The following SIPA1L3 variants were observed in gnomAD, a reference collection of about 807,000 sequenced individuals.
SIPA1L3 encodes signal induced proliferation associated 1 like 3.
Under a neutral mutation model 150.1 loss-of-function variants are expected in SIPA1L3, and 59 were observed. That is an observed-to-expected ratio of 0.39 (90% CI 0.32 to 0.49). SIPA1L3 has a LOEUF of 0.49. Among genes scored for constraint, SIPA1L3 ranks in the 20% least tolerant of loss-of-function variants. SIPA1L3 has a pLI of 0.86. For synonymous variants in SIPA1L3, 1,070 were observed against 1,077.6 expected, an observed-to-expected ratio of 0.99 and a Z score of 0.14; for missense variants, 2,211 against 2,489.5, an observed-to-expected ratio of 0.89 and a Z score of 2.38.
chr19:37,918,814 T>C (rs1259037507), intron 1 of SIPA1L3, among the ~76,000 whole-genome samples: 2 of 151,708 alleles, frequency 1.3e-5, no homozygotes, highest in Non-Finnish European at 2.9e-5. Context: ...GAGGTTGCAG[T>C]GAGCCAAGAT....
chr19:38,160,457 A>C (rs1222111853), intron 13 of SIPA1L3, among the ~76,000 whole-genome samples: 1 of 149,218 alleles, frequency 6.7e-6, no homozygotes, highest in African/African-American at 2.5e-5. Flanking sequence ...GCTGGAGTGC[A>C]GGGGTGCGAT....
Position 38,034,409 on chromosome 19 carries a change from C to T in SIPA1L3, c.-311+5253C>T, listed in dbSNP as rs534437208. 4.0e-5 allele frequency among the ~76,000 whole-genome samples: 6 copies of T among 151,790 alleles called. No individual in the cohort carries two copies. The East Asian group carries it at 5.8e-4, about 15-fold the overall frequency. ...TGGTAATGATGAGGAAACTGAGGCACGAGTGGTGAAGCTGCCTGCCAGGTA... is the reference window on the plus strand; with the variant it reads ...TGGTAATGATGAGGAAACTGAGGCATGAGTGGTGAAGCTGCCTGCCAGGTA... On this transcript the variant is annotated intron_variant, in intron 2 of 21. Coordinates refer to ENST00000222345, the MANE Select transcript of SIPA1L3 (RefSeq NM_015073.3).
intron 2 of SIPA1L3, among the ~76,000 whole-genome samples, chr19:38,031,994 G>C (rs773959468): frequency 2.6e-5 from 4 of 152,076 alleles, no homozygotes; most frequent in Non-Finnish European, 5.9e-5. Flanking sequence ...AAACTTTGAG[G>C]CTATGCTAAT....
At chr19:38,185,202 T>C (rs1972651726) in intron 16 of SIPA1L3, 1 of 152,334 alleles carries the variant, frequency 6.6e-6, no homozygotes. Flanking sequence ...CCACATCCCG[T>C]GTCCCCCATG....
rs558392370 is a variant in SIPA1L3, at chr19:37,953,028, C to A, written c.-379+45670C>A. Among the ~76,000 whole-genome samples, 186 of 152,242 alleles carry A rather than the reference C, an allele frequency of 1.2e-3. 1 individual carries two copies. Among genetic ancestry groups the A allele is most frequent in the Non-Finnish European group, 9.7e-4 (66 of 68,014 alleles). Reference sequence around the variant, plus strand: ...GGGTGGATTACAAGGTCGGGAGATCCTGGCTAACATGGTGAAACTCCGTCT... The same window carrying A: ...GGGTGGATTACAAGGTCGGGAGATCATGGCTAACATGGTGAAACTCCGTCT... On this transcript the variant is annotated intron_variant, in intron 1 of 21. Transcript: ENST00000222345.
intron 2 of SIPA1L3, among the ~76,000 whole-genome samples, chr19:38,030,776 A>T (rs1172179703): frequency 6.6e-6 from 1 of 152,026 alleles, no homozygotes; most frequent in Non-Finnish European, 1.5e-5. Flanking sequence ...AAGCAGTGGC[A>T]TGGGCCCCCA....
chr19:38,094,351 C>T (rs867105365), intron 4 of SIPA1L3, among the ~76,000 whole-genome samples: 11 of 152,062 alleles, frequency 7.2e-5, no homozygotes, highest in South Asian at 2.1e-4. Context: ...CGGGCTCAAG[C>T]GATCCTCCTG....
intron 1 of SIPA1L3, among the ~76,000 whole-genome samples, chr19:37,939,459 G>C (rs2046632879): frequency 1.4e-5 from 2 of 146,434 alleles, no homozygotes; most frequent in South Asian, 2.2e-4. Context: ...TTTCAACAAA[G>C]TGACAGTGGC....
intron 2 of SIPA1L3, among the ~76,000 whole-genome samples, chr19:38,062,130 A>T (rs920871644): frequency 6.6e-6 from 1 of 151,988 alleles, no homozygotes; most frequent in Non-Finnish European, 1.5e-5. Context: ...TGGATCTACC[A>T]GCAGTCTCAC....
At chr19:38,202,246 C>T (rs949176890) in intron 20 of SIPA1L3, among the ~76,000 whole-genome samples, 2 of 152,218 alleles carry the variant, frequency 1.3e-5, no homozygotes, top group South Asian at 2.1e-4. Context: ...CCAGCAGAGA[C>T]GACACTTGAA....
At chr19:38,136,433 G>A (rs1392046025) in intron 10 of SIPA1L3, among the ~76,000 whole-genome samples, 2 of 151,880 alleles carry the variant, frequency 1.3e-5, no homozygotes, top group Non-Finnish European at 2.9e-5. Flanking sequence ...GTGAAACCCG[G>A]TGTCTACTAA....
At chr19:38,184,166 G>C (rs373487656) in intron 16 of SIPA1L3, among the ~76,000 whole-genome samples, 1 of 152,134 alleles carries the variant, frequency 6.6e-6, no homozygotes, top group East Asian at 1.9e-4. Flanking sequence ...GGGTGGACCT[G>C]TCCTCCCCCC....
At chr19:38,080,347 G>A (rs1969946472) in intron 2 of SIPA1L3, among the ~76,000 whole-genome samples, 1 of 152,198 alleles carries the variant, frequency 6.6e-6, no homozygotes, top group African/African-American at 2.4e-5. Context: ...CATGTTAAGT[G>A]GCACCTCAGG....
chr19:37,989,991 TGACGTA>T (rs1335936089), intron 1 of SIPA1L3, among the ~76,000 whole-genome samples: 1 of 152,120 alleles, frequency 6.6e-6, no homozygotes, highest in Non-Finnish European at 1.5e-5. Flanking sequence ...CTGTGCTTGT[TGACGTA>T]GACCCCCCCA....
chr19:38,118,780 C>T (rs185465369), intron 8 of SIPA1L3, among the ~76,000 whole-genome samples: 161 of 152,136 alleles, frequency 1.1e-3, no homozygotes, highest in African/African-American at 3.8e-3. Flanking sequence ...GTGATCTGCC[C>T]GCCTCAGCCT....
chr19:37,916,358 G>C (rs766397816), intron 1 of SIPA1L3, among the ~76,000 whole-genome samples: 20 of 151,936 alleles, frequency 1.3e-4, no homozygotes, highest in Non-Finnish European at 1.3e-4. Flanking sequence ...AAATTAGCCA[G>C]GCTTGGTGAT....
rs987555890 is a variant in SIPA1L3, at chr19:38,123,060, G to A, written c.2868+3178G>A. On this transcript the variant is annotated intron_variant, in intron 9 of 21. Transcript: ENST00000222345. ...AGGAACCGAGTGCAGGCACAAATGCGTCGTATGCTATAGTGGCCGCAATAG... is the reference window on the plus strand; with the variant it reads ...AGGAACCGAGTGCAGGCACAAATGCATCGTATGCTATAGTGGCCGCAATAG... Among the ~76,000 whole-genome samples, 3 of 152,300 alleles carry A rather than the reference G, an allele frequency of 2.0e-5. No individual in the cohort carries two copies. In the South Asian group the frequency reaches 6.2e-4, roughly 32 times the overall value.
rs567106515 is a variant in SIPA1L3, at chr19:37,940,737, G to A, written c.-379+33379G>A. On this transcript the variant is annotated intron_variant, in intron 1 of 21. Transcript: ENST00000222345. ...TGGGATTATAGGCATGTACCACCAC[G>A]CCCAGCTAATTTTTTTGTATTTTTA... Among the ~76,000 whole-genome samples, 292 of 151,920 alleles carry A rather than the reference G, an allele frequency of 1.9e-3. 3 individuals carry two copies. The highest frequency in any genetic ancestry group is 6.8e-3 in the African/African-American group (280 of 41,450).
intron 15 of SIPA1L3, 67 bp from the exon 16 acceptor site, chr19:38,182,452 A>T: frequency 8.3e-7 from 1 of 1,202,378 alleles, no homozygotes; most frequent in Non-Finnish European, 1.2e-6. Context: ...GTAAACTTCA[A>T]TAGCTCTGTC....
Sources: allele counts gnomAD v4.1 joint callset (sites outside exome capture counted in the v4.1 genomes callset), GRCh38; gene constraint gnomAD v4.1.1; transcripts MANE v1.5; gene names NCBI Gene and HGNC (gene_info 2026-07-23, HGNC 2026-07-21).